Variants in CPVL observed in about 807,000 individuals in gnomAD.
CPVL encodes the protein probable serine carboxypeptidase CPVL.
In CPVL, 51 loss-of-function variants were observed where a neutral mutation model predicts 63.7. The ratio of observed to expected loss-of-function variants is 0.80; its 90% CI spans 0.64 to 1.01. The LOEUF is 1.01. CPVL is among the 50% of genes least tolerant of loss of function. The pLI is 0.00. For missense variants in CPVL, 530 were observed against 573.1 expected (o/e 0.92, Z 0.77); for synonymous variants, 195 against 206.0 (o/e 0.95, Z 0.46).
intron 5 of CPVL, among the ~76,000 whole-genome samples, chr7:29,154,959 A>G (rs1174290704): frequency 6.6e-6 from 1 of 152,220 alleles, no homozygotes; most frequent in Non-Finnish European, 1.5e-5. Flanking sequence ...GTGGAAGACA[A>G]GGAGGAGCAA....
At chr7:29,114,653 A>G (rs941204178) in intron 2 of CPVL, among the ~76,000 whole-genome samples, 1 of 151,970 alleles carries the variant, frequency 6.6e-6, no homozygotes, top group African/African-American at 2.4e-5. Context: ...ATATATAGGC[A>G]TGCCTCTCAA....
At chr7:29,120,209 G>C (rs1789216624) in intron 2 of CPVL, among the ~76,000 whole-genome samples, 2 of 152,116 alleles carry the variant, frequency 1.3e-5, no homozygotes, top group African/African-American at 4.8e-5. Flanking sequence ...ATCACCAAAG[G>C]TTAGGAGTTC....
At chr7:29,174,364 T>A (rs570763653) in intron 5 of CPVL, among the ~76,000 whole-genome samples, 1 of 152,236 alleles carries the variant, frequency 6.6e-6, no homozygotes, top group African/African-American at 2.4e-5. Flanking sequence ...CATCAGTCCC[T>A]GAGGAGAGAC....
In CPVL at chr7:29,072,714, A is replaced by G. The variant is rs146326911; in HGVS notation, c.610-291T>C. ...TCCTTCCAAAATAAAATAACTTGGG[A>G]GAACACAATTCTGCCATGTGTTAGG... On this transcript the variant is annotated intron_variant, in intron 7 of 12. Coordinates refer to ENST00000265394, the MANE Select transcript of CPVL (RefSeq NM_031311.5). Among the ~76,000 whole-genome samples the G allele has an allele frequency of 1.8e-3, 279 of 152,350 alleles. 3 individuals are homozygous for G. The highest frequency in any genetic ancestry group is 6.4e-3 in the African/African-American group (267 of 41,578).
At position 29,101,850 on chromosome 7, in the gene CPVL, CG is replaced by C. The variant is rs774158048; in HGVS notation, c.289-5634del. On this transcript the variant is annotated intron_variant, in intron 3 of 12. Coordinates refer to ENST00000265394, the MANE Select transcript of CPVL (RefSeq NM_031311.5). Reference sequence around the variant, plus strand: ...ATTATATATGCAATATACATACACACGTTTTTTTTCCAAAAATAGAACCAGG... The same window carrying C: ...ATTATATATGCAATATACATACACACTTTTTTTTCCAAAAATAGAACCAGG... Among the ~76,000 whole-genome samples the C allele has an allele frequency of 8.5e-4, 130 of 152,196 alleles. 1 individual carries two copies. The highest frequency in any genetic ancestry group is 3.9e-3 in the Admixed American group (59 of 15,294).
intron 5 of CPVL, among the ~76,000 whole-genome samples, chr7:29,158,603 A>G (rs1219961037): frequency 6.6e-6 from 1 of 152,196 alleles, no homozygotes; most frequent in African/African-American, 2.4e-5. Context: ...CTGTTTTCAC[A>G]TGTGTAGAGC....
intron 11 of CPVL, among the ~76,000 whole-genome samples, chr7:29,059,174 G>T (rs1248479871): frequency 2.6e-5 from 4 of 152,054 alleles, no homozygotes; most frequent in Admixed American, 2.6e-4. Flanking sequence ...GCTCAGCTGT[G>T]TCCAGTCTAC....
intron 6 of CPVL, among the ~76,000 whole-genome samples, chr7:29,087,942 T>C (rs891113506): frequency 6.6e-6 from 1 of 152,260 alleles, no homozygotes; most frequent in Non-Finnish European, 1.5e-5. Flanking sequence ...ATGTTTGTGC[T>C]GGCAATAAGC....
At chr7:29,165,272 TTAAGTTCA>T (rs1165705809) in intron 5 of CPVL, among the ~76,000 whole-genome samples, 7 of 152,204 alleles carry the variant, frequency 4.6e-5, no homozygotes, top group Admixed American at 2.6e-4. Flanking sequence ...AAACCAATAC[TTAAGTTCA>T]TATTTTCTGC....
chr7:29,195,078 T>C, exon 1 of CPVL: 1 of 1,391,248 alleles, frequency 7.2e-7, no homozygotes. Flanking sequence ...AGAGCCTACC[T>C]GTGGCCATCC....
intron 5 of CPVL, among the ~76,000 whole-genome samples, chr7:29,166,111 G>A (rs976517729): frequency 6.6e-6 from 1 of 152,174 alleles, no homozygotes; most frequent in South Asian, 2.1e-4. Flanking sequence ...GCTCACTGTA[G>A]CCTTGATTTC....
At chr7:29,088,733 G>A (rs967896252) in intron 6 of CPVL, among the ~76,000 whole-genome samples, 1 of 152,126 alleles carries the variant, frequency 6.6e-6, no homozygotes, top group African/African-American at 2.4e-5. Context: ...GCTCACACCT[G>A]TGGGAGGCCG....
chr7:29,150,952 A>G, upstream of CPVL, among the ~76,000 whole-genome samples: 1 of 152,184 alleles, frequency 6.6e-6, no homozygotes, highest in East Asian at 1.9e-4. Context: ...GTGCTATTAA[A>G]AAAGGGAGGG....
At chr7:29,162,170 C>A (rs573983161) in intron 5 of CPVL, among the ~76,000 whole-genome samples, 1 of 152,314 alleles carries the variant, frequency 6.6e-6, no homozygotes, top group South Asian at 2.1e-4. Context: ...TACCTCTGGG[C>A]ATTTATCCTA....
At chr7:29,120,743 C>T in intron 2 of CPVL, 150 bp downstream of exon 2, 1 of 660,770 alleles carries the variant, frequency 1.5e-6, no homozygotes, top group South Asian at 2.0e-5. Flanking sequence ...ATTGCTTGAA[C>T]CCGGGAGGCG....
chr7:29,103,366 C>A (rs1260119951), intron 3 of CPVL, among the ~76,000 whole-genome samples: 7 of 150,766 alleles, frequency 4.6e-5, no homozygotes, highest in African/African-American at 1.7e-4. Context: ...CTGCCTCAGC[C>A]TCCTGAGTAG....
intron 11 of CPVL, among the ~76,000 whole-genome samples, chr7:29,046,274 A>C (rs548737422): frequency 6.6e-6 from 1 of 152,180 alleles, no homozygotes; most frequent in East Asian, 1.9e-4. Flanking sequence ...TTTAGTAGAC[A>C]CAGGTTTCAC....
intron 12 of CPVL, among the ~76,000 whole-genome samples, chr7:29,027,859 C>A (rs956440513): frequency 6.6e-6 from 1 of 152,096 alleles, no homozygotes; most frequent in Non-Finnish European, 1.5e-5. Flanking sequence ...ACATCTCATG[C>A]TCATGGATTG....
intron 11 of CPVL, among the ~76,000 whole-genome samples, chr7:29,047,192 T>C (rs943972008): frequency 6.6e-6 from 1 of 152,162 alleles, no homozygotes; most frequent in African/African-American, 2.4e-5. Context: ...TAGGTGTTGT[T>C]AGAGCACCCC....
Sources: gnomAD v4.1 joint callset for allele counts (sites outside exome capture counted in the v4.1 genomes callset) on GRCh38, gnomAD v4.1.1 for gene constraint, MANE v1.5 for transcripts, NCBI Gene and HGNC (gene_info 2026-07-23, HGNC 2026-07-21) for gene names.